The following TNFRSF13B variants were observed in gnomAD, a reference collection of about 807,000 sequenced individuals.
The protein encoded by TNFRSF13B is tumor necrosis factor receptor superfamily member 13B.
A neutral mutation model predicts 24.0 loss-of-function variants in TNFRSF13B; 34 were observed. The observed-to-expected ratio is 1.41, with a 90% CI of 1.08 to 1.88. The LOEUF is 1.88. TNFRSF13B is among the 40% of genes most tolerant of loss of function. The pLI is 0.00. For synonymous variants in TNFRSF13B, 173 were observed against 150.3 expected (o/e 1.15, Z -1.10); for missense variants, 415 against 380.8 (o/e 1.09, Z -0.75).
In TNFRSF13B at chr17:16,960,367, A is replaced by G. The variant is rs374565798; in HGVS notation, c.62-7784T>C. ...CACACATTTGCCACTTCTTTTCAAC[A>G]TAGCACCAGGAGAACTAGCCAGAGC... On this transcript the variant is annotated intron_variant, in intron 1 of 4. Transcript: ENST00000261652. Among the ~76,000 whole-genome samples the G allele has an allele frequency of 3.9e-5, 6 of 152,316 alleles. No homozygotes were observed. In the East Asian group the frequency reaches 1.2e-3, roughly 29 times the overall value.
chr17:16,940,129 C>T (rs1857105590), intron 4 of TNFRSF13B, 197 bp downstream of exon 4: 1 of 1,398,706 alleles, frequency 7.1e-7, no homozygotes, highest in South Asian at 1.5e-5. Context: ...CCCACACCCA[C>T]CCTTCCCGGG....
Position 16,948,851 on chromosome 17 carries a change from G to A in TNFRSF13B, c.332C>T (p.Pro111Leu). Residue 111 changes from proline (P) to leucine (L), a missense_variant, in exon 3 of 5, where the codon CCA (proline) becomes CTA (leucine). By Grantham distance (98) the Pro-to-Leu change is moderately conservative (BLOSUM62 -3). Coordinates refer to ENST00000261652, the MANE Select transcript of TNFRSF13B (RefSeq NM_012452.3). ...AYFCENKLRS[P>L]VNLPPELRRQ... is the part of the protein sequence containing the mutation. ...CCTGAGCTCTGGTGGAAGGTTCACT[G>A]GGCTCCTGAGCTTGTTCTCACAGAA... is the stretch of plus-strand genomic sequence containing the variant. 5.6e-6 allele frequency: 9 copies of A among 1,614,196 alleles called. No homozygotes were observed. The highest frequency in any genetic ancestry group is 7.6e-6 in the Non-Finnish European group (9 of 1,180,028).
intron 3 of TNFRSF13B, among the ~76,000 whole-genome samples, chr17:16,942,551 A>C (rs2087518968): frequency 1.3e-5 from 2 of 152,104 alleles, no homozygotes; most frequent in Non-Finnish European, 1.5e-5. Flanking sequence ...CAAAGACCCC[A>C]GGACCTGCAA....
chr17:16,939,820 C>T (rs1264969843), intron 4 of TNFRSF13B, 23 bp from the exon 5 acceptor site: 26 of 1,606,976 alleles, frequency 1.6e-5, no homozygotes, highest in Non-Finnish European at 2.0e-5. Context: ...GAGTGGAGGG[C>T]GTGGGCCAGG....
At chr17:16,952,051 G>T (rs1271009548) in intron 2 of TNFRSF13B, among the ~76,000 whole-genome samples, 1 of 152,106 alleles carries the variant, frequency 6.6e-6, no homozygotes, top group African/African-American at 2.4e-5. Flanking sequence ...TGTGTGATAA[G>T]TTCTGTAATA....
At chr17:16,971,668 A>C (rs763362701) in intron 1 of TNFRSF13B, among the ~76,000 whole-genome samples, 94 of 152,262 alleles carry the variant, frequency 6.2e-4, no homozygotes, top group Admixed American at 1.1e-3. Context: ...TGTGGTCTCC[A>C]CAACTCAAAC....
Position 16,939,665 on chromosome 17 carries a change from C to T in TNFRSF13B, c.764G>A (p.Cys255Tyr), listed in dbSNP as rs758545106. 18 of 1,611,886 alleles carry T rather than the reference C, an allele frequency of 1.1e-5. No individual in the cohort carries two copies. In the East Asian group the frequency reaches 3.6e-4, roughly 32 times the overall value. ...GGTGTGGCACCCCCACCTTCCAGCA[C>T]AAGTGGGGTCGGGGGTCCCAGGCGT... ...AVTPGTPDPT[C>Y]AGRWGCHTRT... The change falls in exon 5 of 5, where the codon TGT becomes TAT. Residue 255 changes from cysteine (C) to tyrosine (Y), a missense_variant. Cys to Tyr is a radical substitution (Grantham distance 194, BLOSUM62 -2). Transcript: ENST00000261652.
chr17:16,939,317 C>CTCCTTCTCTGCCTGTCTCTT lies in TNFRSF13B; in HGVS notation c.*210_*229dup. On this transcript the variant is annotated 3_prime_UTR_variant, in exon 5 of 5. Coordinates refer to ENST00000261652, the MANE Select transcript of TNFRSF13B (RefSeq NM_012452.3). ...TCTGCCTCTCTCCCTCTCTGCCTCT[C>CTCCTTCTCTGCCTGTCTCTT]TCCTTCTCTGCCTGTCTCTTTCCTT... is the stretch of plus-strand genomic sequence containing the variant. 1 of 538,786 alleles carries CTCCTTCTCTGCCTGTCTCTT rather than the reference C, an allele frequency of 1.9e-6. No homozygotes were observed. The highest frequency in any genetic ancestry group is 3.2e-6 in the Non-Finnish European group (1 of 313,402). The allele number at this position is 538,786 out of a possible 1,614,324, so 33.4% of individuals were successfully genotyped here.
intron 3 of TNFRSF13B, among the ~76,000 whole-genome samples, chr17:16,946,813 C>G (rs1436468894): frequency 6.6e-6 from 1 of 152,160 alleles, no homozygotes; most frequent in Non-Finnish European, 1.5e-5. Context: ...ATCTTGAACT[C>G]CGAACCACAA....
At chr17:16,960,486 A>T (rs1404156975) in intron 1 of TNFRSF13B, among the ~76,000 whole-genome samples, 1 of 152,214 alleles carries the variant, frequency 6.6e-6, no homozygotes, top group East Asian at 1.9e-4. Context: ...ATATGTAGAA[A>T]ACCCTAACAA....
intron 3 of TNFRSF13B, among the ~76,000 whole-genome samples, chr17:16,944,204 CAG>C (rs2087531681): frequency 6.6e-6 from 1 of 152,198 alleles, no homozygotes; most frequent in Admixed American, 6.5e-5. Context: ...GCCTCCAGCA[CAG>C]AGCCCCTCAC....
At chr17:16,949,678 T>A (rs138305489) in intron 2 of TNFRSF13B, among the ~76,000 whole-genome samples, 1,550 of 150,942 alleles carry the variant, frequency 0.01, 28 homozygotes, top group African/African-American at 0.033. Context: ...AGTCTCAGAA[T>A]ATTTCTAATT....
chr17:16,963,199 T>C (rs2087675086), intron 1 of TNFRSF13B, among the ~76,000 whole-genome samples: 1 of 152,182 alleles, frequency 6.6e-6, no homozygotes, highest in Non-Finnish European at 1.5e-5. Flanking sequence ...GTGCCTAGTA[T>C]GGTATTGAGC....
In TNFRSF13B at chr17:16,963,568, G is replaced by A. The variant is rs920766389; in HGVS notation, c.61+8447C>T. 5.3e-5 allele frequency among the ~76,000 whole-genome samples: 8 copies of A among 150,834 alleles called. No homozygotes were observed. In the South Asian group the frequency reaches 1.5e-3, roughly 28 times the overall value. ...TTGTTTTTGTTTTTTTGGTTTTTTCGAGACGGAGTCTGGCACTGCCACCCA... is the reference window on the plus strand; with the variant it reads ...TTGTTTTTGTTTTTTTGGTTTTTTCAAGACGGAGTCTGGCACTGCCACCCA... On this transcript the variant is annotated intron_variant, in intron 1 of 4. Coordinates refer to ENST00000261652, the MANE Select transcript of TNFRSF13B (RefSeq NM_012452.3).
Position 16,939,550 on chromosome 17 carries a change from T to C in TNFRSF13B, c.879A>G (p.Ala293=). The change falls in exon 5 of 5, where the codon GCA becomes GCG. Residue 293 remains alanine (A), a synonymous_variant. Transcript: ENST00000261652. Reference sequence around the variant, plus strand: ...CCTTTCCCTCCCTGACCCCCATTTATGCACCTGGGCCCCCCTCCTGGGCAG... The same window carrying C: ...CCTTTCCCTCCCTGACCCCCATTTACGCACCTGGGCCCCCCTCCTGGGCAG... ...CVPAQEGGPG[A] 6.2e-7 allele frequency: 1 copy of C among 1,612,912 alleles called. No individual in the cohort carries two copies.
chr17:16,940,912 C>T, intron 3 of TNFRSF13B: 1 of 1,117,658 alleles, frequency 8.9e-7, no homozygotes, highest in Non-Finnish European at 1.1e-6. Flanking sequence ...TGAGCGTTTA[C>T]AGTCGTCCCT....
chr17:16,969,506 TAG>T (rs1274370488), intron 1 of TNFRSF13B, among the ~76,000 whole-genome samples: 3 of 152,158 alleles, frequency 2.0e-5, no homozygotes, highest in Non-Finnish European at 4.4e-5. Flanking sequence ...GGCAAATCTA[TAG>T]AGACAGAGAG....
chr17:16,940,791 C>T (rs768122940), intron 3 of TNFRSF13B: 36 of 1,365,678 alleles, frequency 2.6e-5, no homozygotes, highest in Non-Finnish European at 3.3e-5. Context: ...ATTGGGACAG[C>T]GCTGGAGATG....
intron 3 of TNFRSF13B, chr17:16,941,077 A>G (rs916770751): frequency 1.7e-6 from 1 of 583,258 alleles, no homozygotes; most frequent in South Asian, 6.5e-5. Flanking sequence ...ATAATACCAA[A>G]TACAATATAG....
Sources: allele counts gnomAD v4.1 joint callset (sites outside exome capture counted in the v4.1 genomes callset), GRCh38; gene constraint gnomAD v4.1.1; transcripts MANE v1.5; gene names NCBI Gene and HGNC (gene_info 2026-07-23, HGNC 2026-07-21).